The following SOX5 variants were observed in gnomAD, a reference collection of about 807,000 sequenced individuals.
SOX5 encodes the protein transcription factor SOX-5.
A neutral mutation model predicts 92.0 loss-of-function variants in SOX5; 9 were observed. The ratio of observed to expected loss-of-function variants is 0.10; its 90% CI spans 0.06 to 0.17. The LOEUF is 0.17. Ranked by LOEUF, SOX5 falls within the 10% of genes least tolerant of loss-of-function variation. The pLI is 1.00. For missense variants in SOX5, 642 were observed against 944.5 expected (o/e 0.68, Z 4.20); for synonymous variants, 344 against 336.3 (o/e 1.02, Z -0.25).
Position 24,405,398 on chromosome 12 carries a change from G to A in SOX5, c.-250-36759C>T, listed in dbSNP as rs1962702144. ...TCTTCACTCATGGCGTTAGAAAACTGTTGGCAAGGAAGGGAAAACAGGGCA... is the reference window on the plus strand; with the variant it reads ...TCTTCACTCATGGCGTTAGAAAACTATTGGCAAGGAAGGGAAAACAGGGCA... On this transcript the variant is annotated intron_variant, in intron 1 of 4. Coordinates refer to the SOX5 transcript ENST00000446891. Among the ~76,000 whole-genome samples the A allele has an allele frequency of 2.0e-5, 3 of 152,248 alleles. No homozygotes were observed. The Middle Eastern group carries it at 0.01, about 518-fold the overall frequency.
intron 2 of SOX5, among the ~76,000 whole-genome samples, chr12:23,858,456 G>C (rs1293379515): frequency 1.3e-5 from 2 of 152,070 alleles, no homozygotes; most frequent in Non-Finnish European, 2.9e-5. Context: ...CAATATTATT[G>C]ATCACTAGAG....
chr12:24,459,815 TAG>T (rs1208526190), intron 1 of SOX5, among the ~76,000 whole-genome samples: 1 of 152,168 alleles, frequency 6.6e-6, no homozygotes, highest in Non-Finnish European at 1.5e-5. Context: ...ACTATTTTAG[TAG>T]AGAGTGGCCA....
At chr12:24,247,665 T>C (rs1939128975) in intron 3 of SOX5, among the ~76,000 whole-genome samples, 1 of 148,492 alleles carries the variant, frequency 6.7e-6, no homozygotes, top group South Asian at 2.1e-4. Context: ...TTTTTTTTTT[T>C]TTTGAGGCGG....
intron 3 of SOX5, among the ~76,000 whole-genome samples, chr12:23,799,994 T>C (rs1374208996): frequency 6.6e-6 from 1 of 152,028 alleles, no homozygotes; most frequent in South Asian, 2.1e-4. Flanking sequence ...TTAAATAAAA[T>C]ATGTCATTGG....
intron 2 of SOX5, among the ~76,000 whole-genome samples, chr12:24,318,975 G>A (rs761344776): frequency 4.6e-5 from 7 of 152,016 alleles, no homozygotes; most frequent in Non-Finnish European, 8.8e-5. Context: ...ACCTCACACC[G>A]CAAAACTGGG....
chr12:24,171,050 T>C lies in SOX5; in HGVS notation c.-2+42293A>G, dbSNP rs1402722922. On this transcript the variant is annotated intron_variant, in intron 4 of 4. Transcript: ENST00000446891. Reference sequence around the variant, plus strand: ...TCCTAGGTAGGCTTGGTAGTTAAACTAGGTGCTGTAGCAATGGGGCAAAAT... The same window carrying C: ...TCCTAGGTAGGCTTGGTAGTTAAACCAGGTGCTGTAGCAATGGGGCAAAAT... 4.0e-5 allele frequency among the ~76,000 whole-genome samples: 6 copies of C among 151,876 alleles called. No individual in the cohort carries two copies. The East Asian group carries it at 9.7e-4, about 24-fold the overall frequency.
At chr12:24,414,812 ATGTCCAATGC>A (rs1964733374) in intron 1 of SOX5, among the ~76,000 whole-genome samples, 1 of 152,208 alleles carries the variant, frequency 6.6e-6, no homozygotes, top group African/African-American at 2.4e-5. Flanking sequence ...TTGTATTGCC[ATGTCCAATGC>A]TGTGCTCTCC....
At chr12:23,932,698 G>T (rs1449437296) in intron 1 of SOX5, among the ~76,000 whole-genome samples, 6 of 151,450 alleles carry the variant, frequency 4.0e-5, no homozygotes, top group Admixed American at 4.0e-4. Context: ...GGAGAAAAAT[G>T]AAAAAGGTTT....
At chr12:23,932,240 G>A (rs1288137842) in intron 1 of SOX5, among the ~76,000 whole-genome samples, 5 of 151,550 alleles carry the variant, frequency 3.3e-5, no homozygotes, top group Non-Finnish European at 7.4e-5. Flanking sequence ...CAGATCGTGA[G>A]ACATTACATG....
At chr12:23,929,764 A>G (rs1391663696) in intron 1 of SOX5, among the ~76,000 whole-genome samples, 1 of 151,944 alleles carries the variant, frequency 6.6e-6, no homozygotes, top group East Asian at 1.9e-4. Flanking sequence ...AATTTTTAGA[A>G]CTACTACTTT....
At chr12:23,622,056 G>T (rs1399991167) in intron 8 of SOX5, among the ~76,000 whole-genome samples, 3 of 152,052 alleles carry the variant, frequency 2.0e-5, no homozygotes, top group Non-Finnish European at 2.9e-5. Context: ...GGAGGCCTTG[G>T]TGTATCGAGA....
intron 1 of SOX5, among the ~76,000 whole-genome samples, chr12:24,450,692 T>C (rs2137321056): frequency 6.6e-6 from 1 of 152,164 alleles, no homozygotes; most frequent in South Asian, 2.1e-4. Flanking sequence ...GGTTTCACCA[T>C]ATTGGCCAGG....
chr12:23,554,047 CTCTTT>C (rs371094730), intron 11 of SOX5, among the ~76,000 whole-genome samples: 1,834 of 152,056 alleles, frequency 0.012, 38 homozygotes, highest in African/African-American at 0.042. Context: ...GGTTATAGTT[CTCTTT>C]TCAACTATCC....
At chr12:24,416,262 T>C (rs1467426885) in intron 1 of SOX5, among the ~76,000 whole-genome samples, 1 of 152,194 alleles carries the variant, frequency 6.6e-6, no homozygotes, top group Non-Finnish European at 1.5e-5. Flanking sequence ...TCAGTCCTGG[T>C]TTATTCTCCC....
chr12:23,561,165 G>T (rs1182188099), intron 11 of SOX5, among the ~76,000 whole-genome samples: 1 of 152,088 alleles, frequency 6.6e-6, no homozygotes, highest in Admixed American at 6.5e-5. Flanking sequence ...TTTCAAAAAT[G>T]GATTTTTTTA....
intron 1 of SOX5, among the ~76,000 whole-genome samples, chr12:24,400,383 A>G (rs1043557872): frequency 2.4e-5 from 2 of 81,752 alleles, no homozygotes; most frequent in Non-Finnish European, 5.6e-5. Context: ...ATGATTTATA[A>G]TAAATTATTT....
intron 2 of SOX5, among the ~76,000 whole-genome samples, chr12:23,849,546 T>A (rs1010931192): frequency 1.3e-5 from 2 of 152,194 alleles, no homozygotes; most frequent in African/African-American, 4.8e-5. Context: ...GCCCTCATTC[T>A]TAACCATAGT....
chr12:24,523,376 T>C (rs1436891490), intron 1 of SOX5, among the ~76,000 whole-genome samples: 1 of 152,108 alleles, frequency 6.6e-6, no homozygotes, highest in African/African-American at 2.4e-5. Flanking sequence ...TTTACAGGGT[T>C]AGAAAAAACA....
At chr12:24,486,885 G>A (rs1405588821) in intron 1 of SOX5, among the ~76,000 whole-genome samples, 2 of 152,102 alleles carry the variant, frequency 1.3e-5, no homozygotes, top group Admixed American at 6.6e-5. Context: ...CATGTGTGTA[G>A]ACTTGATGTT....
Sources: gnomAD v4.1 joint callset for allele counts (sites outside exome capture counted in the v4.1 genomes callset) on GRCh38, gnomAD v4.1.1 for gene constraint, MANE v1.5 for transcripts, NCBI Gene and HGNC (gene_info 2026-07-23, HGNC 2026-07-21) for gene names.